The following SLC9C2 variants were observed in gnomAD, a reference collection of about 807,000 sequenced individuals.
SLC9C2 encodes the protein solute carrier family 9 member C2 (putative).
A neutral mutation model predicts 140.2 loss-of-function variants in SLC9C2; 75 were observed. The observed-to-expected ratio is 0.53, with a 90% CI of 0.44 to 0.65. SLC9C2 has a LOEUF of 0.65. Among genes scored for constraint, SLC9C2 ranks in the 30% least tolerant of loss-of-function variants. SLC9C2 has a pLI of 0.00. For missense variants in SLC9C2, 1,074 were observed against 1,331.8 expected (o/e 0.81, Z 3.01); for synonymous variants, 375 against 420.9 (o/e 0.89, Z 1.34).
intron 13 of SLC9C2, among the ~76,000 whole-genome samples, chr1:173,545,619 C>G (rs1662790735): frequency 6.6e-6 from 1 of 152,124 alleles, no homozygotes; most frequent in Non-Finnish European, 1.5e-5. Context: ...AACCAAGGAG[C>G]CTCTCGCCTG....
chr1:173,522,021 A>G (rs959547774), intron 21 of SLC9C2, among the ~76,000 whole-genome samples: 1 of 152,014 alleles, frequency 6.6e-6, no homozygotes. Context: ...ACACGGTGAA[A>G]CCCCGTCTCT....
rs558573731 is a variant in SLC9C2 at position 173,593,554 on chromosome 1, A to T, written c.357+4350T>A. Reference sequence around the variant, plus strand: ...ATAACATTCAATGTAAATGGACTAAATGCCCTATTTAAAAGGCACAGAGTG... The same window carrying T: ...ATAACATTCAATGTAAATGGACTAATTGCCCTATTTAAAAGGCACAGAGTG... On this transcript the variant is annotated intron_variant, in intron 4 of 27. Coordinates refer to ENST00000367714, the MANE Select transcript of SLC9C2 (RefSeq NM_178527.4). Among the ~76,000 whole-genome samples, 3 of 152,268 alleles carry T rather than the reference A, an allele frequency of 2.0e-5. No individual in the cohort carries two copies. The East Asian group carries it at 5.8e-4, about 29-fold the overall frequency.
chr1:173,585,860 C>T (rs767155662), intron 5 of SLC9C2, among the ~76,000 whole-genome samples: 1 of 151,944 alleles, frequency 6.6e-6, no homozygotes, highest in African/African-American at 2.4e-5. Flanking sequence ...CCCAGCTACT[C>T]GGGAGGCTGA....
In SLC9C2 at chr1:173,503,262, T is replaced by G; in HGVS notation, c.3371+4A>C. 6.2e-7 allele frequency: 1 copy of G among 1,611,932 alleles called. No homozygotes were observed. The highest frequency in any genetic ancestry group is 1.7e-4 in the Middle Eastern group (1 of 6,048). On this transcript the variant is annotated splice_donor_region_variant and intron_variant, in intron 27 of 27. Coordinates refer to ENST00000367714, the MANE Select transcript of SLC9C2 (RefSeq NM_178527.4). ...AATTCTAATCAAAGTGTCAAGTTTA[T>G]TACCTCATCTTTTGTCTTCCATTTA...
At position 173,533,807 on chromosome 1, in the gene SLC9C2, A is replaced by G. The variant is rs1661757137; in HGVS notation, c.1975-10T>C. The stretch of plus-strand genomic sequence containing the variant: ...TTTTCAAAATTATTATCTGTACAGA[A>G]AACAAATGTCATTTCATAGCACCTA... On this transcript the variant is annotated splice_polypyrimidine_tract_variant and intron_variant, in intron 16 of 27. Coordinates refer to ENST00000367714, the MANE Select transcript of SLC9C2 (RefSeq NM_178527.4). The G allele has an allele frequency of 6.3e-7, 1 of 1,593,018 alleles. No homozygotes were observed. The highest frequency in any genetic ancestry group is 1.4e-5 in the African/African-American group (1 of 73,694).
chr1:173,518,359 T>G (rs780170846), intron 22 of SLC9C2, among the ~76,000 whole-genome samples: 21 of 152,312 alleles, frequency 1.4e-4, no homozygotes, highest in Admixed American at 2.6e-4. Flanking sequence ...CGCAATGGGC[T>G]AATGCATCAG....
intron 18 of SLC9C2, among the ~76,000 whole-genome samples, chr1:173,527,699 T>C (rs1389688158): frequency 6.6e-6 from 1 of 152,174 alleles, no homozygotes; most frequent in Non-Finnish European, 1.5e-5. Flanking sequence ...GACAGTTCTT[T>C]AGGGTTGTCA....
intron 9 of SLC9C2, among the ~76,000 whole-genome samples, chr1:173,565,144 C>G (rs1029678234): frequency 6.6e-6 from 1 of 151,798 alleles, no homozygotes; most frequent in African/African-American, 2.4e-5. Flanking sequence ...TGGTTTCCTC[C>G]CATTCTGTGG....
chr1:173,502,012 G>A (rs1201803344), intron 27 of SLC9C2, among the ~76,000 whole-genome samples: 1 of 152,050 alleles, frequency 6.6e-6, no homozygotes, highest in Admixed American at 6.5e-5. Context: ...GGTGGCTCAC[G>A]CCTGTAATCC....
intron 8 of SLC9C2, among the ~76,000 whole-genome samples, chr1:173,574,016 C>T (rs6425250): frequency 0.13 from 19,943 of 152,194 alleles, 4,364 homozygotes; most frequent in African/African-American, 0.45. Flanking sequence ...GAACCACCCC[C>T]AGAGATTCTT....
intron 3 of SLC9C2, among the ~76,000 whole-genome samples, chr1:173,598,689 T>C (rs1571645824): frequency 6.6e-6 from 1 of 152,218 alleles, no homozygotes; most frequent in East Asian, 1.9e-4. Flanking sequence ...AAAATGGAAA[T>C]AGAGTATCTG....
At chr1:173,546,014 C>T (rs1044430646) in intron 13 of SLC9C2, among the ~76,000 whole-genome samples, 2 of 152,082 alleles carry the variant, frequency 1.3e-5, no homozygotes, top group African/African-American at 4.8e-5. Flanking sequence ...GGCTCTAGAA[C>T]GTTCACAAAG....
intron 10 of SLC9C2, among the ~76,000 whole-genome samples, chr1:173,555,860 G>A (rs886126003): frequency 3.3e-5 from 5 of 152,104 alleles, no homozygotes; most frequent in African/African-American, 1.2e-4. Context: ...GGCACGTGAG[G>A]TCTTTCCCTC....
At chr1:173,534,802 TAGTA>T (rs1332534125) in intron 15 of SLC9C2, 120 bp from the exon 16 acceptor site, 1 of 800,596 alleles carries the variant, frequency 1.2e-6, no homozygotes, top group Non-Finnish European at 1.7e-6. Flanking sequence ...TATAAAATAA[TAGTA>T]AGCAAAAATC....
At chr1:173,549,878 A>G (rs1418701527) in intron 11 of SLC9C2, among the ~76,000 whole-genome samples, 3 of 152,240 alleles carry the variant, frequency 2.0e-5, no homozygotes, top group African/African-American at 7.2e-5. Flanking sequence ...ACAATCCCTC[A>G]CTGATCTCAC....
At chr1:173,509,737 T>G in intron 23 of SLC9C2, 38 bp from the exon 24 acceptor site, 1 of 1,556,508 alleles carries the variant, frequency 6.4e-7, no homozygotes, top group Non-Finnish European at 8.6e-7. Context: ...CAGCTTGATG[T>G]GGAACTAAAT....
intron 21 of SLC9C2, among the ~76,000 whole-genome samples, chr1:173,522,147 G>T (rs1244946116): frequency 6.6e-6 from 1 of 151,854 alleles, no homozygotes; most frequent in Non-Finnish European, 1.5e-5. Flanking sequence ...GCGTGAACCC[G>T]GGAGGTGGAG....
At chr1:173,558,052 C>T (rs1456014007) in intron 9 of SLC9C2, among the ~76,000 whole-genome samples, 1 of 152,018 alleles carries the variant, frequency 6.6e-6, no homozygotes, top group African/African-American at 2.4e-5. Flanking sequence ...CGACCCTGTG[C>T]CAAAATTTAA....
At chr1:173,549,716 C>T (rs746814897) in intron 11 of SLC9C2, among the ~76,000 whole-genome samples, 1 of 152,046 alleles carries the variant, frequency 6.6e-6, no homozygotes, top group Non-Finnish European at 1.5e-5. Context: ...TTCCTAGAAA[C>T]GATGAACATT....
Sources: gnomAD v4.1 joint callset for allele counts (sites outside exome capture counted in the v4.1 genomes callset) on GRCh38, gnomAD v4.1.1 for gene constraint, MANE v1.5 for transcripts, NCBI Gene and HGNC (gene_info 2026-07-23, HGNC 2026-07-21) for gene names.